The following PCDHGB1 variants were observed in gnomAD, a reference collection of about 807,000 sequenced individuals.
The protein encoded by PCDHGB1 is protocadherin gamma subfamily B, 1.
A neutral mutation model predicts 56.6 loss-of-function variants in PCDHGB1; 34 were observed. The observed-to-expected ratio is 0.60, with a 90% confidence interval of 0.46 to 0.80. The LOEUF (loss-of-function observed/expected upper bound fraction) is 0.80, where lower values mean the gene tolerates loss of function less well. PCDHGB1 is among the 30% of genes least tolerant of loss of function. The pLI is 0.00. For missense variants in PCDHGB1, 1,278 were observed against 1,204.6 expected (o/e 1.06, Z -0.90); for synonymous variants, 561 against 505.9 (o/e 1.11, Z -1.46).
Position 141,486,786 on chromosome 5 carries a change from G to A in PCDHGB1, c.2410-8021G>A, listed in dbSNP as rs1360545946. The A allele has an allele frequency of 1.9e-6, 3 of 1,614,090 alleles. No individual in the cohort carries two copies. The highest frequency in any genetic ancestry group is 2.2e-5 in the East Asian group (1 of 44,892). ...ACACTGCAGTTTGAGGTGCAGGCCC[G>A]GGATCGGGGCAACCCACCCCTTAGC... is the stretch of plus-strand genomic sequence containing the variant. On this transcript the variant is annotated intron_variant, in intron 1 of 3. Coordinates refer to ENST00000523390, the MANE Select transcript of PCDHGB1 (RefSeq NM_018922.3). This position sits in a 1 kb window ranked among gnomAD's most constrained non-coding sequence, Gnocchi z 5.0.
intron 1 of PCDHGB1, chr5:141,441,529 A>C (rs1042479748): frequency 4.6e-5 from 8 of 172,366 alleles, no homozygotes; most frequent in African/African-American, 1.9e-4. Flanking sequence ...GGCCAAGAAC[A>C]ATCTTCCCAA....
chr5:141,414,251 C>T, intron 1 of PCDHGB1: 3 of 1,613,346 alleles, frequency 1.9e-6, no homozygotes, highest in Non-Finnish European at 2.5e-6. Context: ...CTATTTAGTC[C>T]AGTGACTGAA....
chr5:141,412,592 C>T (rs1472116158), intron 1 of PCDHGB1: 1 of 152,048 alleles, frequency 6.6e-6, no homozygotes, highest in African/African-American at 2.4e-5. Context: ...TGAATGTATA[C>T]TAAATAAAAT....
At chr5:141,387,999 G>A (rs923312530) in intron 1 of PCDHGB1, 2 of 1,487,266 alleles carry the variant, frequency 1.3e-6, no homozygotes, top group Non-Finnish European at 1.8e-6. Flanking sequence ...CAGGATTCCC[G>A]AGGAAATGCC....
At chr5:141,415,189 A>G (rs575244490) in intron 1 of PCDHGB1, 2 of 1,613,958 alleles carry the variant, frequency 1.2e-6, no homozygotes, top group Non-Finnish European at 1.7e-6. Context: ...GGCCGACAGC[A>G]TCCCCCAAGT....
chr5:141,468,159 T>C (rs1408861467), intron 1 of PCDHGB1, among the ~76,000 whole-genome samples: 2 of 151,760 alleles, frequency 1.3e-5, no homozygotes, highest in Admixed American at 6.6e-5. Context: ...ACCCTGTCTC[T>C]GCTAAAAATA....
intron 1 of PCDHGB1, among the ~76,000 whole-genome samples, chr5:141,467,854 T>C (rs1337373000): frequency 6.6e-6 from 1 of 151,968 alleles, no homozygotes; most frequent in Admixed American, 6.6e-5. Flanking sequence ...GAATGAGATT[T>C]CACCATGTTG....
intron 1 of PCDHGB1, among the ~76,000 whole-genome samples, chr5:141,492,341 C>T (rs2099739551): frequency 6.6e-6 from 1 of 152,222 alleles, no homozygotes; most frequent in East Asian, 1.9e-4. Flanking sequence ...CGAATACCAG[C>T]TTTCACTGCC....
rs372458558 is a variant in PCDHGB1, at chr5:141,384,112, G to A, written c.2409+31443G>A. On this transcript the variant is annotated intron_variant, in intron 1 of 3. Transcript: ENST00000523390. ...ATCAATAGATAATTATTATAGATTG[G>A]TCACAACCAAAAACTTGGACCGGGA... The A allele has an allele frequency of 8.1e-6, 13 of 1,605,274 alleles. No individual in the cohort carries two copies. The South Asian group carries it at 8.9e-5, about 11-fold the overall frequency.
intron 1 of PCDHGB1, chr5:141,395,547 TG>T (rs5871772): frequency 0.053 from 9,293 of 174,278 alleles, 481 homozygotes; most frequent in Middle Eastern, 0.08. Flanking sequence ...ATTGTTTGTG[TG>T]TGTGTGTGTG....
Position 141,491,717 on chromosome 5 carries a change from C to A in PCDHGB1, c.2410-3090C>A. ...CGGAGCCAGGTGAGGGGCTCGGCGC[C>A]GCCCCGGGCGACCCCTGGGGGCGGC... On this transcript the variant is annotated intron_variant, in intron 1 of 3. Coordinates refer to ENST00000523390, the MANE Select transcript of PCDHGB1 (RefSeq NM_018922.3). The surrounding 1 kb of genome is among the most constrained non-coding windows in gnomAD (Gnocchi z 6.9). 1 of 1,607,940 alleles carries A rather than the reference C, an allele frequency of 6.2e-7. No individual in the cohort carries two copies. Among genetic ancestry groups the A allele is most frequent in the Middle Eastern group, 1.7e-4 (1 of 6,010 alleles).
intron 1 of PCDHGB1, chr5:141,404,106 C>G: frequency 1.2e-6 from 2 of 1,613,428 alleles, no homozygotes; most frequent in Non-Finnish European, 1.7e-6. Flanking sequence ...GTTGTCTGTT[C>G]TATCCAGGAG....
chr5:141,507,901 G>T (rs1332204823), intron 3 of PCDHGB1, among the ~76,000 whole-genome samples: 1 of 152,216 alleles, frequency 6.6e-6, no homozygotes, highest in Non-Finnish European at 1.5e-5. Flanking sequence ...CTGAAGTCCA[G>T]CCCAGCCAGG....
rs2090286148 is a variant in PCDHGB1 at position 141,385,565 on chromosome 5, C to T, written c.2409+32896C>T. ...GGACTATCACATTTTATAATTTCCA[C>T]CTACTTTCCAATCTATGTTCCAACC... On this transcript the variant is annotated intron_variant, in intron 1 of 3. Transcript: ENST00000523390. 2.3e-6 allele frequency: 3 copies of T among 1,302,312 alleles called. No homozygotes were observed. In the African/African-American group the frequency reaches 4.6e-5, roughly 20 times the overall value. 80.7% of individuals were successfully genotyped at this position (1,302,312 alleles called of 1,614,324 possible). A position where few individuals can be genotyped will look rare whatever the true frequency, so the allele number is the denominator to read the frequency against.
chr5:141,417,821 A>G (rs769813917), intron 1 of PCDHGB1: 1 of 1,514,942 alleles, frequency 6.6e-7, no homozygotes, highest in African/African-American at 1.4e-5. Flanking sequence ...ACTTTCTCCA[A>G]CTGGAAAAGC....
In PCDHGB1 at chr5:141,385,180, G is replaced by A. The variant is rs200338637; in HGVS notation, c.2409+32511G>A. On this transcript the variant is annotated intron_variant, in intron 1 of 3. Coordinates refer to ENST00000523390, the MANE Select transcript of PCDHGB1 (RefSeq NM_018922.3). ...CTATTCCCATGAGGTCTCCCTCACC[G>A]CGGACTCTCGGAAGAGTCACCTGAT... The A allele has an allele frequency of 2.4e-4, 390 of 1,614,178 alleles. 1 individual carries two copies. The highest frequency in any genetic ancestry group is 3.1e-4 in the Non-Finnish European group (365 of 1,180,034).
intron 1 of PCDHGB1, among the ~76,000 whole-genome samples, chr5:141,401,908 T>C (rs942184637): frequency 1.3e-5 from 2 of 152,238 alleles, no homozygotes; most frequent in Admixed American, 1.3e-4. Flanking sequence ...CAAATTATTA[T>C]ATAAGTTTAA....
intron 1 of PCDHGB1, chr5:141,389,757 C>A: frequency 6.2e-7 from 1 of 1,612,818 alleles, no homozygotes; most frequent in East Asian, 2.2e-5. Context: ...GGGCGAAGTG[C>A]GCACAGCGCG....
At position 141,511,108 on chromosome 5, in the gene PCDHGB1, G is replaced by A; in HGVS notation, c.2719G>A (p.Asp907Asn). The A allele has an allele frequency of 6.2e-7, 1 of 1,614,244 alleles. No homozygotes were observed. The highest frequency in any genetic ancestry group is 2.2e-5 in the East Asian group (1 of 44,882). Residue 907 changes from aspartate (D) to asparagine (N), a missense_variant, in exon 4 of 4, where the codon GAT (aspartate) becomes AAT (asparagine). Physicochemically the swap from Asp to Asn is conservative, Grantham distance 23. Coordinates refer to ENST00000523390, the MANE Select transcript of PCDHGB1 (RefSeq NM_018922.3). ...ATLTNAAGKR[D>N]GKAPAGGNGN... Reference sequence around the variant, plus strand: ...ACTGACCAACGCAGCTGGCAAGCGGGATGGCAAGGCCCCAGCAGGTGGCAA... The same window carrying A: ...ACTGACCAACGCAGCTGGCAAGCGGAATGGCAAGGCCCCAGCAGGTGGCAA...
Sources: allele counts gnomAD v4.1 joint callset (sites outside exome capture counted in the v4.1 genomes callset), GRCh38; gene constraint gnomAD v4.1.1; non-coding constraint Gnocchi (gnomAD v3.1); transcripts MANE v1.5; gene names NCBI Gene and HGNC (gene_info 2026-07-23, HGNC 2026-07-21).